Variants in DLC1 observed in about 807,000 individuals in gnomAD.
DLC1 encodes the protein DLC1 Rho GTPase activating protein, also known as rho GTPase-activating protein 7.
DLC1 carries 54 observed loss-of-function variants against 140.3 expected under a neutral mutation model. The ratio of observed to expected loss-of-function variants is 0.38; its 90% CI spans 0.31 to 0.48. The LOEUF (loss-of-function observed/expected upper bound fraction) is 0.48. DLC1 is among the 20% of genes least tolerant of loss of function. The pLI is 0.96. For synonymous variants in DLC1, 986 were observed against 728.1 expected (o/e 1.35, Z -5.70); for missense variants, 2,536 against 1,907.0 (o/e 1.33, Z -6.14).
chr8:13,107,411 C>T (rs193138533), intron 7 of DLC1, among the ~76,000 whole-genome samples: 2 of 152,146 alleles, frequency 1.3e-5, no homozygotes, highest in Middle Eastern at 3.4e-3. Context: ...AAAATATGGT[C>T]CAGTACAAGG....
intron 3 of DLC1, among the ~76,000 whole-genome samples, chr8:13,400,908 T>G (rs1837264374): frequency 6.6e-6 from 1 of 152,212 alleles, no homozygotes; most frequent in Non-Finnish European, 1.5e-5. Context: ...GTCTATATTA[T>G]GTAAAACTGA....
At chr8:13,522,306 TGGG>T (rs1802788477) in intron 1 of DLC1, among the ~76,000 whole-genome samples, 1 of 151,956 alleles carries the variant, frequency 6.6e-6, no homozygotes, top group Admixed American at 6.6e-5. Flanking sequence ...GTAGCTTAAA[TGGG>T]GGGTACGGAA....
chr8:13,227,061 T>G (rs1828826889), intron 5 of DLC1, among the ~76,000 whole-genome samples: 2 of 152,168 alleles, frequency 1.3e-5, no homozygotes, highest in African/African-American at 4.8e-5. Flanking sequence ...GGGCAGGGAC[T>G]GACCACTGAG....
intron 5 of DLC1, among the ~76,000 whole-genome samples, chr8:13,207,582 C>T (rs958447389): frequency 6.6e-5 from 10 of 152,038 alleles, no homozygotes; most frequent in African/African-American, 2.4e-4. Flanking sequence ...AAAAAAGAAA[C>T]TCAACCTTAA....
At chr8:13,256,444 C>T (rs1830230741) in intron 5 of DLC1, among the ~76,000 whole-genome samples, 1 of 152,158 alleles carries the variant, frequency 6.6e-6, no homozygotes, top group Non-Finnish European at 1.5e-5. Context: ...CAACACTATT[C>T]ACAATAGCAA....
intron 5 of DLC1, among the ~76,000 whole-genome samples, chr8:13,264,309 G>C (rs1745320484): frequency 6.6e-6 from 1 of 152,126 alleles, no homozygotes; most frequent in Middle Eastern, 3.4e-3. Context: ...CTGACCTCAG[G>C]TCATCCACCT....
rs917682111 is a variant in DLC1, at chr8:13,442,508, G to T, written c.1024-40889C>A. On this transcript the variant is annotated intron_variant, in intron 2 of 17. Transcript: ENST00000276297. The stretch of plus-strand genomic sequence containing the variant: ...ACACTGAACTCAAACAAGTTTACAA[G>T]AAAAAATCAAACAACCCCATCAAAA... 5.3e-5 allele frequency among the ~76,000 whole-genome samples: 8 copies of T among 152,110 alleles called. No homozygotes were observed. In the South Asian group the frequency reaches 1.5e-3, roughly 28 times the overall value.
chr8:13,494,671 C>T (rs1166838822), intron 2 of DLC1, among the ~76,000 whole-genome samples: 4 of 152,086 alleles, frequency 2.6e-5, no homozygotes, highest in African/African-American at 9.7e-5. Context: ...GAGATATAGG[C>T]CGGGCACAGT....
intron 12 of DLC1, 38 bp downstream of exon 12, chr8:13,094,720 TC>T: frequency 6.2e-7 from 1 of 1,612,066 alleles, no homozygotes; most frequent in Admixed American, 1.7e-5. Flanking sequence ...GTCCCATTTT[TC>T]CCCAATGCCA....
chr8:13,444,907 G>A (rs1798706650), intron 2 of DLC1, among the ~76,000 whole-genome samples: 1 of 152,168 alleles, frequency 6.6e-6, no homozygotes. Flanking sequence ...CATGTATGAA[G>A]AAGTCATGTA....
At chr8:13,575,739 G>T (rs903015240) in intron 1 of DLC1, among the ~76,000 whole-genome samples, 1 of 152,210 alleles carries the variant, frequency 6.6e-6, no homozygotes, top group Non-Finnish European at 1.5e-5. Flanking sequence ...ACTGGTAAGG[G>T]CAGTGAAAGT....
intron 2 of DLC1, among the ~76,000 whole-genome samples, chr8:13,437,802 CA>C (rs1307748911): frequency 6.6e-6 from 1 of 152,078 alleles, no homozygotes; most frequent in Middle Eastern, 3.2e-3. Context: ...AAATGGAGTA[CA>C]AATTGATTCA....
Position 13,100,896 on chromosome 8 carries a change from A to G in DLC1, c.1567-126T>C. 5.2e-6 allele frequency: 5 copies of G among 954,928 alleles called. No homozygotes were observed. In the African/African-American group the frequency reaches 9.0e-5, roughly 17 times the overall value. 59.2% of individuals were successfully genotyped at this position (954,928 alleles called of 1,614,324 possible). ...TTCCCCCTTGTACTTCATGATTTTAATTTTAAAGTTTTTTTTTTTTTTTTT... is the reference window on the plus strand; with the variant it reads ...TTCCCCCTTGTACTTCATGATTTTAGTTTTAAAGTTTTTTTTTTTTTTTTT... On this transcript the variant is annotated intron_variant, in intron 8 of 17. Coordinates refer to ENST00000276297, the MANE Select transcript of DLC1 (RefSeq NM_182643.3).
intron 5 of DLC1, among the ~76,000 whole-genome samples, chr8:13,208,597 G>C: frequency 6.6e-6 from 1 of 152,146 alleles, no homozygotes; most frequent in South Asian, 2.1e-4. Context: ...TCGAACTTCT[G>C]CTTCCTTTCT....
intron 2 of DLC1, among the ~76,000 whole-genome samples, chr8:13,459,651 C>T (rs1204433249): frequency 2.0e-5 from 3 of 152,162 alleles, no homozygotes; most frequent in Non-Finnish European, 4.4e-5. Context: ...ATGGTCTATG[C>T]TAATTCTCTG....
chr8:13,548,721 A>T (rs535062921), intron 1 of DLC1, among the ~76,000 whole-genome samples: 8 of 152,064 alleles, frequency 5.3e-5, no homozygotes, highest in Non-Finnish European at 1.2e-4. Context: ...ACATAGAGAT[A>T]TATCTCTAAG....
chr8:13,214,406 T>C (rs185611515), intron 5 of DLC1: 1 of 430,552 alleles, frequency 2.3e-6, no homozygotes, highest in African/African-American at 2.0e-5. Flanking sequence ...ACTCTCCTAT[T>C]TGCTTGGTCT....
chr8:13,586,514 A>C (rs916130159), intron 1 of DLC1, among the ~76,000 whole-genome samples: 3 of 151,996 alleles, frequency 2.0e-5, no homozygotes, highest in Non-Finnish European at 4.4e-5. Flanking sequence ...TTTGGTAGAT[A>C]GGTTAGTAAC....
chr8:13,191,136 G>A (rs1434602206), intron 5 of DLC1, among the ~76,000 whole-genome samples: 1 of 152,186 alleles, frequency 6.6e-6, no homozygotes, highest in Non-Finnish European at 1.5e-5. Flanking sequence ...AAAGAAAGTG[G>A]AGTTCCTGAG....
Sources: gnomAD v4.1 joint callset for allele counts (sites outside exome capture counted in the v4.1 genomes callset) on GRCh38, gnomAD v4.1.1 for gene constraint, MANE v1.5 for transcripts, NCBI Gene and HGNC (gene_info 2026-07-23, HGNC 2026-07-21) for gene names.